Variants in PTPN14 observed in about 807,000 individuals in gnomAD.
PTPN14 encodes the protein protein tyrosine phosphatase non-receptor type 14.
In PTPN14, 53 loss-of-function variants were observed where a neutral mutation model predicts 126.8. The ratio of observed to expected loss-of-function variants is 0.42; its 90% CI spans 0.34 to 0.53. PTPN14 has a LOEUF of 0.53. Among genes scored for constraint, PTPN14 ranks in the 20% least tolerant of loss-of-function variants. The pLI is 0.08. For missense variants in PTPN14, 1,257 were observed against 1,552.9 expected (o/e 0.81, Z 3.20); for synonymous variants, 630 against 599.3 (o/e 1.05, Z -0.75).
At chr1:214,488,139 C>T (rs903510164) in intron 1 of PTPN14, among the ~76,000 whole-genome samples, 13 of 152,134 alleles carry the variant, frequency 8.5e-5, no homozygotes, top group Non-Finnish European at 1.2e-4. Flanking sequence ...ACATTAAGAG[C>T]GTCTCCACCC....
intron 1 of PTPN14, among the ~76,000 whole-genome samples, chr1:214,498,997 G>C (rs1425672828): frequency 6.6e-6 from 1 of 151,940 alleles, no homozygotes; most frequent in Non-Finnish European, 1.5e-5. Context: ...TATAGAGACA[G>C]TCTCACTATG....
chr1:214,477,667 G>A (rs146516857), intron 1 of PTPN14, among the ~76,000 whole-genome samples: 1 of 152,274 alleles, frequency 6.6e-6, no homozygotes, highest in East Asian at 1.9e-4. Flanking sequence ...CTCTAGAGAT[G>A]AGATACTGCA....
intron 1 of PTPN14, among the ~76,000 whole-genome samples, chr1:214,525,214 T>C (rs1217102747): frequency 6.6e-6 from 1 of 152,192 alleles, no homozygotes; most frequent in Non-Finnish European, 1.5e-5. Flanking sequence ...CAACAGAATA[T>C]GTATCTTTTT....
intron 7 of PTPN14, among the ~76,000 whole-genome samples, 170 bp downstream of exon 7, chr1:214,401,515 C>G (rs760317869): frequency 1.2e-4 from 19 of 152,184 alleles, no homozygotes; most frequent in Non-Finnish European, 2.6e-4. Flanking sequence ...TTCAAAACGT[C>G]TTGGTTAAGA....
intron 3 of PTPN14, among the ~76,000 whole-genome samples, chr1:214,435,576 TA>T (rs1261419720): frequency 1.3e-5 from 2 of 151,874 alleles, no homozygotes; most frequent in African/African-American, 4.8e-5. Context: ...ACAATCCCAT[TA>T]AAAAGTGGGC....
chr1:214,427,498 C>T (rs1333283234), intron 3 of PTPN14, among the ~76,000 whole-genome samples: 1 of 151,998 alleles, frequency 6.6e-6, no homozygotes, highest in African/African-American at 2.4e-5. Flanking sequence ...GAAGTATATA[C>T]ATACATATAT....
intron 5 of PTPN14, among the ~76,000 whole-genome samples, chr1:214,409,372 C>T (rs975025865): frequency 6.6e-6 from 1 of 152,188 alleles, no homozygotes; most frequent in African/African-American, 2.4e-5. Flanking sequence ...ATAATGTACT[C>T]TACATTCATC....
intron 1 of PTPN14, among the ~76,000 whole-genome samples, chr1:214,516,733 T>A (rs141074565): frequency 5.3e-5 from 8 of 150,704 alleles, no homozygotes; most frequent in Non-Finnish European, 1.2e-4. Context: ...AAACACTGAA[T>A]TAATTTTGAT....
intron 6 of PTPN14, 45 bp from the exon 7 acceptor site, chr1:214,401,817 C>G (rs1183079371): frequency 1.4e-6 from 2 of 1,464,314 alleles, no homozygotes; most frequent in Admixed American, 3.6e-5. Flanking sequence ...TAAGGGCAGC[C>G]AGTGGAAGAT....
intron 11 of PTPN14, among the ~76,000 whole-genome samples, chr1:214,388,406 C>CT (rs922013520): frequency 3.2e-4 from 47 of 147,196 alleles, no homozygotes; most frequent in Admixed American, 3.4e-4. Flanking sequence ...TTTCTTTTTT[C>CT]TTTTTTTTTT....
Position 214,402,756 on chromosome 1 carries a change from C to T in PTPN14, c.581+127G>A, listed in dbSNP as rs375568951. The T allele has an allele frequency of 1.6e-4, 163 of 1,012,472 alleles. 2 individuals are homozygous for T. The highest frequency in any genetic ancestry group is 7.0e-4 in the African/African-American group (44 of 62,528). The allele number at this position is 1,012,472 out of a possible 1,614,324, so 62.7% of individuals were successfully genotyped here. The stretch of plus-strand genomic sequence containing the variant: ...AGAACGGAAGTACAGAGCTGAGTCA[C>T]GTGGTGGAATAAATACAAGTGTGTT... On this transcript the variant is annotated intron_variant, in intron 6 of 18. Transcript: ENST00000366956.
chr1:214,386,980 A>C, intron 11 of PTPN14, 58 bp from the exon 12 acceptor site: 37 of 1,456,002 alleles, frequency 2.5e-5, no homozygotes, highest in Non-Finnish European at 3.0e-5. Flanking sequence ...CTGGTGACTC[A>C]CACAGCCGGC....
chr1:214,510,859 A>G (rs1654955576), intron 1 of PTPN14, among the ~76,000 whole-genome samples: 1 of 152,006 alleles, frequency 6.6e-6, no homozygotes, highest in Non-Finnish European at 1.5e-5. Flanking sequence ...CCCCAGGTAT[A>G]GTTATCAATT....
At position 214,464,780 on chromosome 1, in the gene PTPN14, G is replaced by T. The variant is rs774964286; in HGVS notation, c.24C>A (p.Arg8=). ...TCAGGACGTTGTAGCGCCGTGTCCG[G>T]CGGAGCTTCAGACCAAAAGGCATGG... MPFGLKL[R]RTRRYNVLSK... Residue 8 remains arginine, a synonymous_variant, in exon 2 of 19, where the codon CGC becomes CGA. Transcript: ENST00000366956. The T allele has an allele frequency of 3.1e-6, 5 of 1,614,276 alleles. No homozygotes were observed. The highest frequency in any genetic ancestry group is 4.2e-6 in the Non-Finnish European group (5 of 1,180,048).
chr1:214,482,684 C>T (rs1661020157), intron 1 of PTPN14: 1 of 969,880 alleles, frequency 1.0e-6, no homozygotes, highest in Admixed American at 2.8e-5. Flanking sequence ...CTATATAGTA[C>T]CTTGACTTAA....
intron 1 of PTPN14, among the ~76,000 whole-genome samples, chr1:214,475,428 G>T (rs1205755583): frequency 6.6e-6 from 1 of 152,160 alleles, no homozygotes; most frequent in Non-Finnish European, 1.5e-5. Flanking sequence ...GACTCTTCCT[G>T]GTCCAGCTTG....
intron 1 of PTPN14, among the ~76,000 whole-genome samples, chr1:214,517,201 T>C (rs1655125168): frequency 6.6e-6 from 1 of 152,230 alleles, no homozygotes; most frequent in Non-Finnish European, 1.5e-5. Context: ...CTCAAGGACA[T>C]GGTCACCTCC....
chr1:214,461,732 C>A (rs1459354754), intron 2 of PTPN14, among the ~76,000 whole-genome samples: 1 of 152,116 alleles, frequency 6.6e-6, no homozygotes, highest in Non-Finnish European at 1.5e-5. Flanking sequence ...ATCACGTGAG[C>A]CAGGAGGTGG....
chr1:214,510,245 CAACATT>C (rs1353781431), intron 1 of PTPN14, among the ~76,000 whole-genome samples: 3 of 152,134 alleles, frequency 2.0e-5, no homozygotes, highest in African/African-American at 7.2e-5. Context: ...AAAACAACTA[CAACATT>C]AACATCAAAG....
Sources: gnomAD v4.1 joint callset for allele counts (sites outside exome capture counted in the v4.1 genomes callset) on GRCh38, gnomAD v4.1.1 for gene constraint, MANE v1.5 for transcripts, NCBI Gene and HGNC (gene_info 2026-07-23, HGNC 2026-07-21) for gene names.